The following NSUN6 variants were observed in gnomAD, a reference collection of about 807,000 sequenced individuals.
The protein encoded by NSUN6 is NOP2/Sun RNA methyltransferase 6, also known as tRNA (cytosine(72)-C(5))-methyltransferase NSUN6.
A neutral mutation model predicts 58.0 loss-of-function variants in NSUN6; 64 were observed. The ratio of observed to expected loss-of-function variants is 1.10; its 90% CI spans 0.90 to 1.36. The LOEUF (loss-of-function observed/expected upper bound fraction) is 1.36. NSUN6 is among the 40% of genes most tolerant of loss of function. The pLI is 0.00. For synonymous variants in NSUN6, 231 were observed against 193.9 expected, an observed-to-expected ratio of 1.19 and a Z score of -1.59; for missense variants, 701 against 550.1, an observed-to-expected ratio of 1.27 and a Z score of -2.74.
upstream of NSUN6, among the ~76,000 whole-genome samples, chr10:18,656,799 GA>G (rs558156473): frequency 1.3e-4 from 18 of 134,324 alleles, no homozygotes; most frequent in South Asian, 4.5e-3. Flanking sequence ...GAACACTTAA[GA>G]AAATTAGTTA....
chr10:18,645,876 T>A (rs886312342), intron 2 of NSUN6, among the ~76,000 whole-genome samples: 2 of 152,194 alleles, frequency 1.3e-5, no homozygotes, highest in African/African-American at 4.8e-5. Context: ...GTCACCAGCC[T>A]AATTAAATTT....
chr10:18,626,987 T>C (rs1265302758), intron 3 of NSUN6, among the ~76,000 whole-genome samples: 1 of 152,202 alleles, frequency 6.6e-6, no homozygotes. Context: ...AAATTACAAA[T>C]TGATTTTTGG....
chr10:18,558,560 A>G (rs987521900), intron 8 of NSUN6, among the ~76,000 whole-genome samples: 1 of 151,240 alleles, frequency 6.6e-6, no homozygotes, highest in Non-Finnish European at 1.5e-5. Context: ...AGTAGTGAAT[A>G]TAATGGAGTG....
chr10:18,655,866 C>G (rs1237993273), upstream of NSUN6, among the ~76,000 whole-genome samples: 2 of 152,220 alleles, frequency 1.3e-5, 1 homozygote, highest in East Asian at 3.9e-4. Context: ...TGTAGGAAGG[C>G]TGGTGACATT....
At position 18,608,638 on chromosome 10, in the gene NSUN6, CA is replaced by C. The variant is rs5783614; in HGVS notation, c.657+1206del. Among the ~76,000 whole-genome samples the C allele has an allele frequency of 2.9e-3, 312 of 107,560 alleles. 1 individual carries two copies. Among genetic ancestry groups the C allele is most frequent in the African/African-American group, 7.6e-3 (209 of 27,448 alleles). 70.6% of individuals were successfully genotyped at this position (107,560 alleles called of 152,430 possible). A position where few individuals can be genotyped will look rare whatever the true frequency, so the allele number is the denominator to read the frequency against. The stretch of plus-strand genomic sequence containing the variant: ...TGCGTGACAGAGTAAGATCCTGTCT[CA>C]AAAAAAAAAAAAAAAACCACTGTAA... On this transcript the variant is annotated intron_variant, in intron 6 of 10. Transcript: ENST00000377304.
At chr10:18,647,731 T>G (rs1298777665) in intron 2 of NSUN6, among the ~76,000 whole-genome samples, 21 of 54,370 alleles carry the variant, frequency 3.9e-4, no homozygotes, top group Admixed American at 3.1e-3. Context: ...CCTTGTTTTT[T>G]TTTTTTTTTT....
intron 3 of NSUN6, among the ~76,000 whole-genome samples, chr10:18,638,962 A>AT (rs917207247): frequency 1.3e-5 from 2 of 150,628 alleles, no homozygotes; most frequent in African/African-American, 4.9e-5. Context: ...AAAAAAAAAA[A>AT]AAAAAAAACT....
intron 1 of NSUN6, among the ~76,000 whole-genome samples, chr10:18,649,194 A>G (rs554598084): frequency 6.6e-6 from 1 of 152,314 alleles, no homozygotes; most frequent in Non-Finnish European, 1.5e-5. Flanking sequence ...TAACAAATAT[A>G]TATTATCCAA....
chr10:18,617,100 C>A (rs2058438036), intron 3 of NSUN6, among the ~76,000 whole-genome samples: 1 of 152,104 alleles, frequency 6.6e-6, no homozygotes, highest in Non-Finnish European at 1.5e-5. Flanking sequence ...TCTCTACTCA[C>A]CTTGCATTCT....
At chr10:18,598,266 T>C (rs567872360) in intron 6 of NSUN6, among the ~76,000 whole-genome samples, 4 of 152,180 alleles carry the variant, frequency 2.6e-5, no homozygotes, top group Non-Finnish European at 5.9e-5. Context: ...TAAGAACTAA[T>C]GATAATCCCA....
At chr10:18,616,116 A>C (rs1264473573) in intron 4 of NSUN6, 68 bp downstream of exon 4, 1 of 939,056 alleles carries the variant, frequency 1.1e-6, no homozygotes, top group Non-Finnish European at 1.7e-6. Context: ...CAAATCAATA[A>C]ATTTTCCATT....
rs147330423 is a variant in NSUN6, at chr10:18,634,001, T to C, written c.311+8475A>G. Among the ~76,000 whole-genome samples the C allele has an allele frequency of 4.5e-4, 68 of 152,324 alleles. No homozygotes were observed. In the East Asian group the frequency reaches 0.012, roughly 26 times the overall value. ...CAGAAAACATATTTGATTAGTCCCA[T>C]AGGTATGCTCTTTCGCCCATTCTGG... On this transcript the variant is annotated intron_variant, in intron 3 of 10. Transcript: ENST00000377304.
chr10:18,573,640 C>A (rs1589915475), intron 8 of NSUN6, among the ~76,000 whole-genome samples: 1 of 152,140 alleles, frequency 6.6e-6, no homozygotes, highest in African/African-American at 2.4e-5. Flanking sequence ...CTTCTCAAAT[C>A]TGATGAAGAT....
chr10:18,566,323 TTCCATTCCACAATCCATTCCATTCCGCAA>T (rs1270823286), intron 8 of NSUN6, among the ~76,000 whole-genome samples: 3 of 150,554 alleles, frequency 2.0e-5, no homozygotes, highest in African/African-American at 7.3e-5. Context: ...TTTCATTCTA[TTCCATTCCACAATCCATTCCATTCCGCAA>T]TCCATTCCAC....
intron 5 of NSUN6, among the ~76,000 whole-genome samples, chr10:18,610,237 C>G (rs1162213125): frequency 6.6e-6 from 1 of 151,924 alleles, no homozygotes; most frequent in Non-Finnish European, 1.5e-5. Context: ...AATCCCAGCT[C>G]CTCAGGAGGC....
At chr10:18,546,315 A>C (rs1488766094) in intron 10 of NSUN6, among the ~76,000 whole-genome samples, 170 bp from the exon 11 acceptor site, 1 of 152,218 alleles carries the variant, frequency 6.6e-6, no homozygotes, top group East Asian at 1.9e-4. Context: ...CTTTCCAGAC[A>C]GTAAAGTAGG....
intron 3 of NSUN6, among the ~76,000 whole-genome samples, chr10:18,641,476 C>T (rs1383993281): frequency 6.6e-6 from 1 of 151,740 alleles, no homozygotes; most frequent in Admixed American, 6.6e-5. Context: ...AATGATCCTT[C>T]CACCTCAGCC....
chr10:18,584,082 T>C (rs990610992), intron 8 of NSUN6, among the ~76,000 whole-genome samples: 1 of 152,124 alleles, frequency 6.6e-6, no homozygotes, highest in African/African-American at 2.4e-5. Context: ...GCCAGCGAAC[T>C]TTCACCTCCA....
At chr10:18,635,842 T>C (rs2059195876) in intron 3 of NSUN6, among the ~76,000 whole-genome samples, 1 of 150,374 alleles carries the variant, frequency 6.7e-6, no homozygotes, top group African/African-American at 2.4e-5. Flanking sequence ...TGTGTTGTTG[T>C]TTTTTGTCGT....
Sources: allele counts gnomAD v4.1 joint callset (sites outside exome capture counted in the v4.1 genomes callset), GRCh38; gene constraint gnomAD v4.1.1; transcripts MANE v1.5; gene names NCBI Gene and HGNC (gene_info 2026-07-23, HGNC 2026-07-21).